IRGQ: variants seen among roughly 807,000 people sequenced by gnomAD.
The protein encoded by IRGQ is immunity related GTPase Q, also known as immunity-related GTPase family Q protein.
A neutral mutation model predicts 10.5 loss-of-function variants in IRGQ; 5 were observed. The ratio of observed to expected loss-of-function variants is 0.48; its 90% CI spans 0.25 to 1.00. The LOEUF (loss-of-function observed/expected upper bound fraction) is 1.00, where lower values mean the gene tolerates loss of function less well. IRGQ is among the 50% of genes least tolerant of loss of function. IRGQ has a pLI of 0.16. For synonymous variants in IRGQ, 418 were observed against 426.0 expected (o/e 0.98, Z 0.23); for missense variants, 792 against 877.7 (o/e 0.90, Z 1.23).
intron 1 of IRGQ, 69 bp from the exon 2 acceptor site, chr19:43,595,409 A>T (rs1973123235): frequency 4.9e-6 from 7 of 1,426,060 alleles, no homozygotes; most frequent in Non-Finnish European, 6.5e-6. Context: ...TAGCCGCCCC[A>T]CTCGGAACCC....
At position 43,595,261 on chromosome 19, in the gene IRGQ, C is replaced by T; in HGVS notation, c.78G>A (p.Ala26=). The T allele has an allele frequency of 6.2e-7, 1 of 1,610,202 alleles. No individual in the cohort carries two copies. The highest frequency in any genetic ancestry group is 8.5e-7 in the Non-Finnish European group (1 of 1,178,814). The change falls in exon 2 of 3, where the codon GCG becomes GCA. Residue 26 remains alanine (A), a synonymous_variant. Coordinates refer to ENST00000422989, the MANE Select transcript of IRGQ (RefSeq NM_001007561.3). ...GCGTCTCCACATCCTTGTCGCACAG[C>T]GCTGCGATCAGCGCGGACTTCCCCA... ...PGLGKSALIA[A]LCDKDVETLE...
In IRGQ at chr19:43,592,305, C is replaced by G. The variant is rs1322814355; in HGVS notation, c.1593G>C (p.Glu531Asp). 1 of 1,565,836 alleles carries G rather than the reference C, an allele frequency of 6.4e-7. No homozygotes were observed. The highest frequency in any genetic ancestry group is 1.4e-5 in the African/African-American group (1 of 73,822). The change falls in exon 3 of 3, where the codon GAG becomes GAC. Residue 531 changes from glutamate to aspartate, a missense_variant. By Grantham distance (45) the Glu-to-Asp change is conservative (BLOSUM62 2). Coordinates refer to ENST00000422989, the MANE Select transcript of IRGQ (RefSeq NM_001007561.3). ...GLEPTALARRERALGLASGEL... is the reference protein window; with the variant it reads ...GLEPTALARRDRALGLASGEL... ...CTCCAGAAGCCAGGCCCAGGGCACG[C>G]TCACGTCGAGCCAGTGCCGTGGGTT...
In IRGQ at chr19:43,595,295, G is replaced by A. The variant is rs1253021271; in HGVS notation, c.44C>T (p.Pro15Leu). ...CAGCGCGGACTTCCCCAAGCCCGGA[G>A]GCCCCAGGAACAAGGCGGTCACGTC... ...QGDVTALFLG[P>L]PGLGKSALIA... Residue 15 changes from proline (P) to leucine (L), a missense_variant, in exon 2 of 3, where the codon CCT (proline) becomes CTT (leucine). Coordinates refer to ENST00000422989, the MANE Select transcript of IRGQ (RefSeq NM_001007561.3). 1.3e-6 allele frequency: 2 copies of A among 1,592,760 alleles called. No individual in the cohort carries two copies. Among genetic ancestry groups the A allele is most frequent in the South Asian group, 1.1e-5 (1 of 89,396 alleles).
At position 43,591,872 on chromosome 19, in the gene IRGQ, ATC is replaced by A; in HGVS notation, c.*152_*153del. 19 of 704,252 alleles carry A rather than the reference ATC, an allele frequency of 2.7e-5. No individual in the cohort carries two copies. Among genetic ancestry groups the A allele is most frequent in the Non-Finnish European group, 3.9e-5 (18 of 463,876 alleles). 43.6% of individuals were successfully genotyped at this position (704,252 alleles called of 1,614,324 possible). ...AAAAAAAAGAAAAAAAAAAAAAAAA[ATC>A]AGGATTCCTGTCCCCCAGACTCTCT... On this transcript the variant is annotated 3_prime_UTR_variant, in exon 3 of 3. Coordinates refer to ENST00000422989, the MANE Select transcript of IRGQ (RefSeq NM_001007561.3).
chr19:43,592,536 C>A lies in IRGQ; in HGVS notation c.1362G>T (p.Gln454His). Residue 454 changes from glutamine (Q) to histidine (H), a missense_variant, in exon 3 of 3, where the codon CAG becomes CAT. Physicochemically the swap from Gln to His is conservative, Grantham distance 24. Transcript: ENST00000422989. Reference sequence around the variant, plus strand: ...GCAACGCCAGCAGCAGTGCCCCTGCCTGGGCTGGGGGGAGCGCTCGCCGCA... The same window carrying A: ...GCAACGCCAGCAGCAGTGCCCCTGCATGGGCTGGGGGGAGCGCTCGCCGCA... ...EWLRRALPPA[Q>H]AGALLLALPP... 6.3e-7 allele frequency: 1 copy of A among 1,596,856 alleles called. No individual in the cohort carries two copies. Among genetic ancestry groups the A allele is most frequent in the South Asian group, 1.1e-5 (1 of 90,948 alleles).
Position 43,591,292 on chromosome 19 carries a change from T to G in IRGQ, c.*734A>C, listed in dbSNP as rs1973051268. On this transcript the variant is annotated 3_prime_UTR_variant, in exon 3 of 3. Transcript: ENST00000422989. Reference sequence around the variant, plus strand: ...GAGAAATGTAGACCCTGTTTCCCTCTGAGGCTCTGAAGCCCAAGAGTTCCA... The same window carrying G: ...GAGAAATGTAGACCCTGTTTCCCTCGGAGGCTCTGAAGCCCAAGAGTTCCA... The G allele has an allele frequency of 6.6e-6, 1 of 152,270 alleles. No homozygotes were observed. Among genetic ancestry groups the G allele is most frequent in the African/African-American group, 2.4e-5 (1 of 41,456 alleles). 9.4% of individuals were successfully genotyped at this position (152,270 alleles called of 1,614,324 possible).
At position 43,586,418 on chromosome 19, in the gene IRGQ, C is replaced by T. The variant is rs1972994727; in HGVS notation, c.*5608G>A. On this transcript the variant is annotated 3_prime_UTR_variant, in exon 3 of 3. Coordinates refer to ENST00000422989, the MANE Select transcript of IRGQ (RefSeq NM_001007561.3). ...GTCAATATATACAACTGTGTAAACA[C>T]AACCAATCTACAACTATATCAACAC... is the stretch of plus-strand genomic sequence containing the variant. 1 of 152,192 alleles carries T rather than the reference C, an allele frequency of 6.6e-6. No individual in the cohort carries two copies. Among genetic ancestry groups the T allele is most frequent in the Non-Finnish European group, 1.5e-5 (1 of 68,040 alleles). The allele number at this position is 152,192 out of a possible 1,614,324, so 9.4% of individuals were successfully genotyped here. A position where few individuals can be genotyped will look rare whatever the true frequency, so the allele number is the denominator to read the frequency against.
rs1234040104 is a variant in IRGQ at position 43,593,272 on chromosome 19, G to A, written c.626C>T (p.Ala209Val). The change falls in exon 3 of 3, where the codon GCG becomes GTG. Residue 209 changes from alanine (A) to valine (V), a missense_variant. By Grantham distance (64) the Ala-to-Val change is moderately conservative (BLOSUM62 0). Coordinates refer to ENST00000422989, the MANE Select transcript of IRGQ (RefSeq NM_001007561.3). The surrounding 1 kb of genome is among the most constrained non-coding windows in gnomAD (Gnocchi z 6.4). The stretch of plus-strand genomic sequence containing the variant: ...CAGGCCTGAGCGCACCCACGACAGC[G>A]CAGCCTCAAGGCCGCCGGTCTCAAA... ...EAFETGGLEA[A>V]LSWVRSGLER... 1 of 1,595,912 alleles carries A rather than the reference G, an allele frequency of 6.3e-7. No individual in the cohort carries two copies. The highest frequency in any genetic ancestry group is 8.5e-7 in the Non-Finnish European group (1 of 1,170,244).
Position 43,585,967 on chromosome 19 carries a change from C to T in IRGQ, c.*6059G>A, listed in dbSNP as rs184939637. The T allele has an allele frequency of 3.1e-4, 47 of 152,284 alleles. No homozygotes were observed. Among genetic ancestry groups the T allele is most frequent in the African/African-American group, 1.1e-3 (46 of 41,534 alleles). 9.4% of individuals were successfully genotyped at this position (152,284 alleles called of 1,614,324 possible). ...TTCTATTCATTTTTATTCATTCCTC[C>T]AAAGAGCACCACAGGCCAACCACAC... is the stretch of plus-strand genomic sequence containing the variant. On this transcript the variant is annotated 3_prime_UTR_variant, in exon 3 of 3. Transcript: ENST00000422989.
Position 43,594,889 on chromosome 19 carries a change from C to A in IRGQ, c.450G>T (p.Ala150=). The A allele has an allele frequency of 6.2e-7, 1 of 1,613,914 alleles. No individual in the cohort carries two copies. ...LGAADLFVLP[A]NCGSSDGCEE... Reference sequence around the variant, plus strand: ...CGCAGCCGTCGCTGCTGCCGCAGTTCGCCGGTAGCACAAACAGATCCGCAG... The same window carrying A: ...CGCAGCCGTCGCTGCTGCCGCAGTTAGCCGGTAGCACAAACAGATCCGCAG... Residue 150 remains alanine (A), a synonymous_variant, in exon 2 of 3, where the codon GCG becomes GCT. Coordinates refer to ENST00000422989, the MANE Select transcript of IRGQ (RefSeq NM_001007561.3).
At position 43,591,687 on chromosome 19, in the gene IRGQ, A is replaced by T. The variant is rs2146095561; in HGVS notation, c.*339T>A. On this transcript the variant is annotated 3_prime_UTR_variant, in exon 3 of 3. Coordinates refer to ENST00000422989, the MANE Select transcript of IRGQ (RefSeq NM_001007561.3). The stretch of plus-strand genomic sequence containing the variant: ...ACATGGTGAAACCCCGTCTCTACTA[A>T]AAATACAAAAATTAGCCAGGTGTGG... The T allele has an allele frequency of 5.2e-6, 1 of 193,758 alleles. No individual in the cohort carries two copies. Among genetic ancestry groups the T allele is most frequent in the East Asian group, 1.2e-4 (1 of 8,410 alleles). 12.0% of individuals were successfully genotyped at this position (193,758 alleles called of 1,614,324 possible). A position where few individuals can be genotyped will look rare whatever the true frequency, so the allele number is the denominator to read the frequency against.
Position 43,586,350 on chromosome 19 carries a change from T to G in IRGQ, c.*5676A>C, listed in dbSNP as rs1449009514. The G allele has an allele frequency of 1.3e-5, 2 of 152,002 alleles. No individual in the cohort carries two copies. The highest frequency in any genetic ancestry group is 4.8e-5 in the African/African-American group (2 of 41,366). 9.4% of individuals were successfully genotyped at this position (152,002 alleles called of 1,614,324 possible). A position where few individuals can be genotyped will look rare whatever the true frequency, so the allele number is the denominator to read the frequency against. Reference sequence around the variant, plus strand: ...TGGAATCCCATTAAAAGTTATGATTTAAAAGGCGACCACCCCCAAAAGAAG... The same window carrying G: ...TGGAATCCCATTAAAAGTTATGATTGAAAAGGCGACCACCCCCAAAAGAAG... On this transcript the variant is annotated 3_prime_UTR_variant, in exon 3 of 3. Coordinates refer to ENST00000422989, the MANE Select transcript of IRGQ (RefSeq NM_001007561.3).
At position 43,595,360 on chromosome 19, in the gene IRGQ, G is replaced by T; in HGVS notation, c.-2-20C>A. On this transcript the variant is annotated intron_variant, in intron 1 of 2. Transcript: ENST00000422989. ...GCATGGCTGGAAAGCAACGGGTAGA[G>T]AAGACCTGGGTCAGGGAGCACCTAG... The T allele has an allele frequency of 1.3e-6, 2 of 1,520,692 alleles. No homozygotes were observed. The highest frequency in any genetic ancestry group is 1.8e-6 in the Non-Finnish European group (2 of 1,140,288). The allele number at this position is 1,520,692 out of a possible 1,614,324, so 94.2% of individuals were successfully genotyped here.
rs943997270 is a variant in IRGQ, at chr19:43,593,833, G to A, written c.531-466C>T. On this transcript the variant is annotated intron_variant, in intron 2 of 2. Transcript: ENST00000422989. This position sits in a 1 kb window ranked among gnomAD's most constrained non-coding sequence, Gnocchi z 6.4. ...CTTTTCAGGGGCTGGGCCTAAGGAG[G>A]GTCAGTGAGGGGAGAAATCTCATCT... Among the ~76,000 whole-genome samples the A allele has an allele frequency of 6.6e-6, 1 of 152,046 alleles. No individual in the cohort carries two copies. Among genetic ancestry groups the A allele is most frequent in the African/African-American group, 2.4e-5 (1 of 41,394 alleles).
At position 43,592,699 on chromosome 19, in the gene IRGQ, ATGCCGACAACC is replaced by A; in HGVS notation, c.1188_1198del (p.Gln396HisfsTer90). 1 of 1,608,938 alleles carries A rather than the reference ATGCCGACAACC, an allele frequency of 6.2e-7. No individual in the cohort carries two copies. The highest frequency in any genetic ancestry group is 8.5e-7 in the Non-Finnish European group (1 of 1,179,960). On this transcript the variant is annotated frameshift_variant, in exon 3 of 3. Coordinates refer to ENST00000422989, the MANE Select transcript of IRGQ (RefSeq NM_001007561.3). LOFTEE classifies it low-confidence loss of function (END_TRUNC). Reference sequence around the variant, plus strand: ...TGAGTCGCCACCACCTGATTTCTTCATGCCGACAACCTGCTGCAAACCCTCGCTGCCAGCTT... The same window carrying A: ...TGAGTCGCCACCACCTGATTTCTTCATGCTGCAAACCCTCGCTGCCAGCTT...
chr19:43,591,851 A>T lies in IRGQ; in HGVS notation c.*175T>A, dbSNP rs1973058625. The T allele has an allele frequency of 4.8e-6, 3 of 619,356 alleles. No individual in the cohort carries two copies. Among genetic ancestry groups the T allele is most frequent in the African/African-American group, 2.4e-5 (1 of 42,328 alleles). The allele number at this position is 619,356 out of a possible 1,614,324, so 38.4% of individuals were successfully genotyped here. On this transcript the variant is annotated 3_prime_UTR_variant, in exon 3 of 3. Coordinates refer to ENST00000422989, the MANE Select transcript of IRGQ (RefSeq NM_001007561.3). ...CAACAAGAGACTTCGTCTCACAAAA[A>T]AAAGAAAAAAAAAAAAAAAAATCAG...
In IRGQ at chr19:43,592,651, G is replaced by T; in HGVS notation, c.1247C>A (p.Pro416Gln). The change falls in exon 3 of 3, where the codon CCG (proline) becomes CAG (glutamine). Residue 416 changes from proline to glutamine, a missense_variant. Transcript: ENST00000422989. ...GDSERAAALSPEDETWEVLEE... is the reference protein window; with the variant it reads ...GDSERAAALSQEDETWEVLEE... Reference sequence around the variant, plus strand: ...CAGCACCTCCCACGTCTCGTCCTCCGGGCTTAACGCAGCGGCCCGCTCTGA... The same window carrying T: ...CAGCACCTCCCACGTCTCGTCCTCCTGGCTTAACGCAGCGGCCCGCTCTGA... 6.2e-7 allele frequency: 1 copy of T among 1,604,970 alleles called. No individual in the cohort carries two copies.
chr19:43,594,864 C>T lies in IRGQ; in HGVS notation c.475G>A (p.Glu159Lys), dbSNP rs372119753. ...GCCGCCCGGAGGCGCTCTAGCTCCT[C>T]GCAGCCGTCGCTGCTGCCGCAGTTC... ...PANCGSSDGC[E>K]ELERLRAALQ... is the part of the protein sequence containing the mutation. The change falls in exon 2 of 3, where the codon GAG (glutamate) becomes AAG (lysine). Residue 159 changes from glutamate to lysine, a missense_variant. Transcript: ENST00000422989. 5.9e-5 allele frequency: 95 copies of T among 1,613,438 alleles called. No homozygotes were observed. The highest frequency in any genetic ancestry group is 7.2e-5 in the Non-Finnish European group (85 of 1,179,800).
rs1972970720 is a variant in IRGQ at position 43,584,436 on chromosome 19, T to G, written c.*7590A>C. The G allele has an allele frequency of 6.6e-6, 1 of 152,198 alleles. No individual in the cohort carries two copies. The highest frequency in any genetic ancestry group is 1.5e-5 in the Non-Finnish European group (1 of 68,048). The allele number at this position is 152,198 out of a possible 1,614,324, so 9.4% of individuals were successfully genotyped here. A position where few individuals can be genotyped will look rare whatever the true frequency, so the allele number is the denominator to read the frequency against. ...GGCACTATTATTCACATCTCTGTTT[T>G]CAGGAGACATCAGAGGCTCAGAAGG... On this transcript the variant is annotated 3_prime_UTR_variant, in exon 3 of 3. Coordinates refer to ENST00000422989, the MANE Select transcript of IRGQ (RefSeq NM_001007561.3).
Sources: allele counts gnomAD v4.1 joint callset (sites outside exome capture counted in the v4.1 genomes callset), GRCh38; gene constraint gnomAD v4.1.1; non-coding constraint Gnocchi (gnomAD v3.1); transcripts MANE v1.5; gene names NCBI Gene and HGNC (gene_info 2026-07-23, HGNC 2026-07-21).